The following MFHAS1 variants were observed in gnomAD, a reference collection of about 807,000 sequenced individuals.
The protein encoded by MFHAS1 is multifunctional ROCO family signaling regulator 1, also known as malignant fibrous histiocytoma-amplified sequence 1.
In MFHAS1, 50 loss-of-function variants were observed where a neutral mutation model predicts 70.4. The observed-to-expected ratio is 0.71, with a 90% CI of 0.57 to 0.90. MFHAS1 has a LOEUF of 0.90. MFHAS1 is among the 40% of genes least tolerant of loss of function. The pLI, the probability that MFHAS1 is intolerant of heterozygous loss-of-function variation, is 0.00. For missense variants in MFHAS1, 1,795 were observed against 1,347.6 expected, an observed-to-expected ratio of 1.33 and a Z score of -5.20; for synonymous variants, 952 against 620.0, an observed-to-expected ratio of 1.54 and a Z score of -7.96.
At chr8:8,808,731 G>A (rs1371630680) in intron 1 of MFHAS1, among the ~76,000 whole-genome samples, 2 of 152,186 alleles carry the variant, frequency 1.3e-5, no homozygotes, top group Non-Finnish European at 2.9e-5. Context: ...CATTACATTT[G>A]TGGGCAAAAG....
At chr8:8,852,455 C>T (rs965585972) in intron 1 of MFHAS1, among the ~76,000 whole-genome samples, 2 of 147,982 alleles carry the variant, frequency 1.4e-5, no homozygotes, top group Admixed American at 7.0e-5. Flanking sequence ...AGCAACAAAG[C>T]GAGACCCTCT....
intron 1 of MFHAS1, among the ~76,000 whole-genome samples, chr8:8,808,902 G>C (rs73201850): frequency 0.034 from 5,192 of 152,262 alleles, 121 homozygotes; most frequent in Middle Eastern, 0.058. Context: ...ACTGGTACGC[G>C]TCCATGGGCA....
intron 1 of MFHAS1, among the ~76,000 whole-genome samples, chr8:8,859,202 GGT>G (rs1349047317): frequency 1.3e-5 from 2 of 152,082 alleles, no homozygotes; most frequent in Non-Finnish European, 2.9e-5. Context: ...AAATTACATG[GGT>G]GTAGTGGCAC....
intron 1 of MFHAS1, among the ~76,000 whole-genome samples, chr8:8,858,728 C>A (rs1013789947): frequency 6.6e-5 from 10 of 152,026 alleles, no homozygotes; most frequent in African/African-American, 2.4e-4. Context: ...TCGGGACCTG[C>A]ATATGAGATG....
chr8:8,799,793 T>G (rs1014966953), intron 1 of MFHAS1, among the ~76,000 whole-genome samples: 3 of 152,232 alleles, frequency 2.0e-5, no homozygotes, highest in Non-Finnish European at 2.9e-5. Flanking sequence ...TATTTCTAAA[T>G]GTCTCATCCC....
intron 1 of MFHAS1, among the ~76,000 whole-genome samples, chr8:8,884,067 CACACACACACACACAA>C (rs1183565550): frequency 9.8e-6 from 1 of 101,640 alleles, no homozygotes; most frequent in African/African-American, 5.4e-5. Flanking sequence ...CACACACACA[CACACACACACACACAA>C]AAAGAAAAAA....
intron 1 of MFHAS1, among the ~76,000 whole-genome samples, chr8:8,880,827 G>C (rs969777363): frequency 6.6e-6 from 1 of 152,020 alleles, no homozygotes; most frequent in African/African-American, 2.4e-5. Flanking sequence ...TGGGATTACA[G>C]GCACACACCA....
chr8:8,796,691 A>AC lies in MFHAS1; in HGVS notation c.3125+673_3125+674insG, dbSNP rs1240590412. ...AGAGCAAGACTCCGTCTCAAAACAA[A>AC]AAAAAAAAAAAAGGCAAAAAAAGGC... On this transcript the variant is annotated intron_variant, in intron 2 of 2. Coordinates refer to ENST00000276282, the MANE Select transcript of MFHAS1 (RefSeq NM_004225.3). 9.7e-5 allele frequency among the ~76,000 whole-genome samples: 13 copies of AC among 134,476 alleles called. 1 individual carries two copies. Among genetic ancestry groups the AC allele is most frequent in the African/African-American group, 2.2e-4 (8 of 35,688 alleles). 88.2% of individuals were successfully genotyped at this position (134,476 alleles called of 152,430 possible).
intron 1 of MFHAS1, among the ~76,000 whole-genome samples, chr8:8,843,718 CTCA>C (rs1807927103): frequency 6.6e-6 from 1 of 152,122 alleles, no homozygotes; most frequent in Non-Finnish European, 1.5e-5. Flanking sequence ...AGGGCAGAGG[CTCA>C]TTTCTCCCCA....
rs182633714 is a variant in MFHAS1 at position 8,838,017 on chromosome 8, C to G, written c.2999-40526G>C. Among the ~76,000 whole-genome samples the G allele has an allele frequency of 1.2e-4, 18 of 152,316 alleles. No homozygotes were observed. In the East Asian group the frequency reaches 3.3e-3, roughly 28 times the overall value. ...CAATTTTATTTATAATCACCCCAAA[C>G]TGGAAACAGCCTCTATGTCTATCAG... On this transcript the variant is annotated intron_variant, in intron 1 of 2. Transcript: ENST00000276282.
At chr8:8,824,381 C>T (rs1168011746) in intron 1 of MFHAS1, among the ~76,000 whole-genome samples, 3 of 152,102 alleles carry the variant, frequency 2.0e-5, no homozygotes, top group Non-Finnish European at 2.9e-5. Flanking sequence ...GGAAAACCAG[C>T]CCTCATTTAG....
chr8:8,814,337 C>A (rs183591384), intron 1 of MFHAS1, among the ~76,000 whole-genome samples: 2 of 152,318 alleles, frequency 1.3e-5, no homozygotes, highest in Admixed American at 1.3e-4. Context: ...ATATTCAGTA[C>A]AGTCACATGC....
rs900601965 is a variant in MFHAS1, at chr8:8,821,232, C to T, written c.2999-23741G>A. ...GGGGATTAGCAGCTTCTGTGCAAAGCTTACAGGATGCCTCTAAGGCCCCTG... is the reference window on the plus strand; with the variant it reads ...GGGGATTAGCAGCTTCTGTGCAAAGTTTACAGGATGCCTCTAAGGCCCCTG... On this transcript the variant is annotated intron_variant, in intron 1 of 2. Coordinates refer to ENST00000276282, the MANE Select transcript of MFHAS1 (RefSeq NM_004225.3). Among the ~76,000 whole-genome samples, 4 of 152,178 alleles carry T rather than the reference C, an allele frequency of 2.6e-5. No homozygotes were observed. In the East Asian group the frequency reaches 7.7e-4, roughly 29 times the overall value.
At chr8:8,862,569 G>A (rs1388431679) in intron 1 of MFHAS1, among the ~76,000 whole-genome samples, 1 of 152,104 alleles carries the variant, frequency 6.6e-6, no homozygotes, top group Admixed American at 6.5e-5. Context: ...TCTGCTGTTA[G>A]GGGGTGGAGG....
chr8:8,840,243 G>C (rs940090290), intron 1 of MFHAS1, among the ~76,000 whole-genome samples: 2 of 152,118 alleles, frequency 1.3e-5, no homozygotes, highest in African/African-American at 4.8e-5. Context: ...GATCACTTGA[G>C]GTCAGGAGTT....
intron 1 of MFHAS1, among the ~76,000 whole-genome samples, chr8:8,827,860 TTA>T (rs1314601769): frequency 2.0e-5 from 3 of 152,232 alleles, no homozygotes; most frequent in Non-Finnish European, 1.5e-5. Context: ...CTAATAATTT[TTA>T]TGAGTTCATT....
At chr8:8,879,807 T>C (rs1288395173) in intron 1 of MFHAS1, among the ~76,000 whole-genome samples, 1 of 152,216 alleles carries the variant, frequency 6.6e-6, no homozygotes, top group Non-Finnish European at 1.5e-5. Flanking sequence ...CAGTACAAAC[T>C]TCTGTATAGA....
At chr8:8,792,917 A>G (rs1010897161) in intron 2 of MFHAS1, among the ~76,000 whole-genome samples, 7 of 152,120 alleles carry the variant, frequency 4.6e-5, no homozygotes, top group Admixed American at 4.6e-4. Flanking sequence ...TACTAGGTGA[A>G]TGTTCACCTC....
chr8:8,881,983 C>G (rs11991850), intron 1 of MFHAS1, among the ~76,000 whole-genome samples: 3,386 of 152,278 alleles, frequency 0.022, 142 homozygotes, highest in African/African-American at 0.076. Flanking sequence ...ACTCTTCCCC[C>G]ATTTCTGTAA....
Sources: allele counts gnomAD v4.1 joint callset (sites outside exome capture counted in the v4.1 genomes callset), GRCh38; gene constraint gnomAD v4.1.1; transcripts MANE v1.5; gene names NCBI Gene and HGNC (gene_info 2026-07-23, HGNC 2026-07-21).